Variants in COL6A5 observed in about 807,000 individuals in gnomAD.
COL6A5 encodes the protein collagen type VI alpha 5 chain, also known as collagen alpha-5(VI) chain.
COL6A5 carries 48 observed loss-of-function variants against 65.6 expected under a neutral mutation model. The observed-to-expected ratio is 0.73, with a 90% CI of 0.58 to 0.93. COL6A5 has a LOEUF of 0.93. Among genes scored for constraint, COL6A5 ranks in the 40% least tolerant of loss-of-function variants. The pLI is 0.00. For missense variants in COL6A5, 914 were observed against 928.3 expected (o/e 0.98, Z 0.20); for synonymous variants, 291 against 322.8 (o/e 0.90, Z 1.05).
intron 12 of COL6A5, 143 bp from the exon 13 acceptor site, chr3:130,403,466 A>T: frequency 1.5e-6 from 1 of 654,032 alleles, no homozygotes; most frequent in Admixed American, 2.6e-5. Context: ...ATGTTGTCAG[A>T]TTCTCCCCAA....
chr3:130,355,932 A>G (rs1471500999), intron 1 of COL6A5, among the ~76,000 whole-genome samples: 2 of 152,182 alleles, frequency 1.3e-5, no homozygotes, highest in Non-Finnish European at 2.9e-5. Flanking sequence ...GTTGCTTATA[A>G]AAGACATACT....
chr3:130,483,733 A>G (rs997360548), intron 7 of COL6A5, among the ~76,000 whole-genome samples: 2 of 152,152 alleles, frequency 1.3e-5, no homozygotes, highest in African/African-American at 4.8e-5. Context: ...GATATTGTCT[A>G]TTGCACACCC....
chr3:130,440,261 G>A (rs778043297), exon 3 of COL6A5: 1 of 1,613,298 alleles, frequency 6.2e-7, no homozygotes, highest in Non-Finnish European at 8.5e-7. Context: ...TCGGAATATA[G>A]CAAAGGATGA....
intron 1 of COL6A5, among the ~76,000 whole-genome samples, chr3:130,358,866 C>A (rs1264015873): frequency 1.3e-5 from 2 of 152,048 alleles, no homozygotes; most frequent in African/African-American, 2.4e-5. Flanking sequence ...TTCCACTGTG[C>A]AATGTTGTTT....
At chr3:130,421,153 G>A in exon 26 of COL6A5, 1 of 1,550,436 alleles carries the variant, frequency 6.4e-7, no homozygotes, top group South Asian at 1.2e-5. Flanking sequence ...GTTTACACAG[G>A]GAGATTCTGG....
chr3:130,365,775 T>C (rs1359754812), intron 1 of COL6A5, among the ~76,000 whole-genome samples: 1 of 152,164 alleles, frequency 6.6e-6, no homozygotes, highest in Non-Finnish European at 1.5e-5. Flanking sequence ...GGCTGCACAT[T>C]GGAATCACCA....
intron 5 of COL6A5, 46 bp from the exon 6 acceptor site, chr3:130,388,534 C>A (rs1193683111): frequency 4.9e-6 from 7 of 1,423,086 alleles, no homozygotes; most frequent in Non-Finnish European, 6.5e-6. Context: ...TTCATGAGAA[C>A]CTTTCCAACC....
intron 4 of COL6A5, among the ~76,000 whole-genome samples, chr3:130,449,096 T>C (rs1045808179): frequency 1.3e-5 from 2 of 152,178 alleles, no homozygotes; most frequent in African/African-American, 4.8e-5. Flanking sequence ...GTTGTAAGTG[T>C]TCAGAAACCA....
At chr3:130,445,237 C>T (rs533487943) in intron 4 of COL6A5, among the ~76,000 whole-genome samples, 36 of 152,288 alleles carry the variant, frequency 2.4e-4, no homozygotes, top group African/African-American at 6.3e-4. Flanking sequence ...TTTTAGAATT[C>T]ACTGTAACAC....
At chr3:130,407,304 A>C (rs1047634985) in intron 17 of COL6A5, among the ~76,000 whole-genome samples, 1 of 152,124 alleles carries the variant, frequency 6.6e-6, no homozygotes, top group Non-Finnish European at 1.5e-5. Flanking sequence ...AGAGATCAAG[A>C]GATTGGGAGG....
chr3:130,472,160 G>A (rs1298667113), intron 7 of COL6A5, among the ~76,000 whole-genome samples: 2 of 152,074 alleles, frequency 1.3e-5, no homozygotes, highest in Non-Finnish European at 1.5e-5. Context: ...GTGGAGTCAG[G>A]GAATGGGGAA....
intron 6 of COL6A5, 110 bp from the exon 7 acceptor site, chr3:130,391,069 T>C: frequency 1.3e-6 from 1 of 740,848 alleles, no homozygotes; most frequent in Non-Finnish European, 2.2e-6. Flanking sequence ...TGAGATATAG[T>C]GTCTGACACA....
chr3:130,373,083 G>A (rs996231870), intron 1 of COL6A5, among the ~76,000 whole-genome samples: 5 of 152,226 alleles, frequency 3.3e-5, no homozygotes, highest in African/African-American at 9.6e-5. Flanking sequence ...CAAAGGCTTA[G>A]TGAAGGAAGA....
chr3:130,481,206 C>A (rs1258325832), intron 7 of COL6A5, among the ~76,000 whole-genome samples: 1 of 151,186 alleles, frequency 6.6e-6, no homozygotes, highest in Non-Finnish European at 1.5e-5. Flanking sequence ...TGCCCCCCAC[C>A]CCCCGACAAG....
intron 28 of COL6A5, 144 bp from the exon 29 acceptor site, chr3:130,423,694 C>G: frequency 1.8e-6 from 1 of 560,950 alleles, no homozygotes; most frequent in Non-Finnish European, 3.1e-6. Context: ...GTTTGTATCA[C>G]AAGTAAGCAA....
chr3:130,418,858 C>G lies in COL6A5; in HGVS notation c.4888-11C>G, dbSNP rs776239240. The G allele has an allele frequency of 6.5e-7, 1 of 1,549,526 alleles. No individual in the cohort carries two copies. Among genetic ancestry groups the G allele is most frequent in the South Asian group, 1.2e-5 (1 of 83,990 alleles). On this transcript the variant is annotated splice_polypyrimidine_tract_variant and intron_variant and NMD_transcript_variant, in intron 24 of 41. Coordinates refer to the COL6A5 transcript ENST00000312481. ...TTACTGATCTGAAGCTCTTCTTGTCCCACTTACTAGGGAGAGCCTGGACTT... is the reference window on the plus strand; with the variant it reads ...TTACTGATCTGAAGCTCTTCTTGTCGCACTTACTAGGGAGAGCCTGGACTT...
intron 4 of COL6A5, among the ~76,000 whole-genome samples, chr3:130,448,338 A>C (rs1254563245): frequency 6.6e-6 from 1 of 152,170 alleles, no homozygotes; most frequent in Non-Finnish European, 1.5e-5. Context: ...CTCAGGGGTC[A>C]AAGTCCTGGG....
chr3:130,484,592 T>C, exon 8 of COL6A5: 1 of 398,984 alleles, frequency 2.5e-6, no homozygotes, highest in Non-Finnish European at 4.4e-6. Flanking sequence ...TAGTTAATGC[T>C]TTCTCTTCAC....
rs567737197 is a variant in COL6A5, at chr3:130,368,898, A to G, written c.-28-4713A>G. Among the ~76,000 whole-genome samples, 48 of 152,350 alleles carry G rather than the reference A, an allele frequency of 3.2e-4. 4 individuals are homozygous for G. In the South Asian group the frequency reaches 6.6e-3, roughly 21 times the overall value. The stretch of plus-strand genomic sequence containing the variant: ...TGCTCCAGAAATGGGATAAGGCACC[A>G]GGGAGGCTAAGCCGAGAATTTAAGC... On this transcript the variant is annotated intron_variant and NMD_transcript_variant, in intron 1 of 41. Coordinates refer to the COL6A5 transcript ENST00000312481.
Sources: gnomAD v4.1 joint callset for allele counts (sites outside exome capture counted in the v4.1 genomes callset) on GRCh38, gnomAD v4.1.1 for gene constraint, MANE v1.5 for transcripts, NCBI Gene and HGNC (gene_info 2026-07-23, HGNC 2026-07-21) for gene names.